XKR6: variants seen among roughly 807,000 people sequenced by gnomAD.
XKR6 encodes the protein XK related 6.
Under a neutral mutation model 56.7 loss-of-function variants are expected in XKR6, and 22 were observed. The ratio of observed to expected loss-of-function variants is 0.39; its 90% CI spans 0.28 to 0.55. The LOEUF (loss-of-function observed/expected upper bound fraction) is 0.55, where lower values mean the gene tolerates loss of function less well. XKR6 is among the 20% of genes least tolerant of loss of function. The probability of loss-of-function intolerance (pLI) is 0.66; values close to 1 mark genes in which losing one functional copy is unlikely to be tolerated. For missense variants in XKR6, 852 were observed against 889.0 expected, an observed-to-expected ratio of 0.96 and a Z score of 0.53; for synonymous variants, 524 against 387.8, an observed-to-expected ratio of 1.35 and a Z score of -4.13.
chr8:11,050,787 T>C (rs111890325), intron 1 of XKR6, among the ~76,000 whole-genome samples: 2,737 of 152,126 alleles, frequency 0.018, 39 homozygotes, highest in African/African-American at 0.039. Context: ...CACAGACGGA[T>C]GACCATGTCC....
intron 1 of XKR6, among the ~76,000 whole-genome samples, chr8:10,978,593 G>T (rs763646920): frequency 1.2e-4 from 19 of 152,122 alleles, no homozygotes; most frequent in Non-Finnish European, 2.1e-4. Flanking sequence ...CAAGACACTC[G>T]GCCCAAGGTA....
intron 1 of XKR6, among the ~76,000 whole-genome samples, chr8:10,954,235 C>A (rs1366142174): frequency 6.6e-6 from 1 of 152,214 alleles, no homozygotes; most frequent in African/African-American, 2.4e-5. Context: ...TTGGAGGAAC[C>A]AGCAAGTTGT....
intron 1 of XKR6, among the ~76,000 whole-genome samples, chr8:11,023,353 G>A (rs953133616): frequency 6.6e-6 from 1 of 152,200 alleles, no homozygotes; most frequent in African/African-American, 2.4e-5. Flanking sequence ...GGAGTGCAGT[G>A]GCATGATCAC....
chr8:11,037,730 C>T (rs372318676), intron 1 of XKR6, among the ~76,000 whole-genome samples: 8 of 152,052 alleles, frequency 5.3e-5, no homozygotes, highest in African/African-American at 9.7e-5. Flanking sequence ...TGGTGGCGTG[C>T]GCCTGTAATC....
intron 1 of XKR6, among the ~76,000 whole-genome samples, chr8:11,122,252 C>T (rs1314714126): frequency 6.6e-6 from 1 of 152,214 alleles, no homozygotes; most frequent in African/African-American, 2.4e-5. Flanking sequence ...AGTCAGGCTG[C>T]CTGGTAAAAC....
intron 1 of XKR6, among the ~76,000 whole-genome samples, chr8:11,190,226 GAAAAGAA>G (rs377629284): frequency 0.098 from 8,282 of 84,600 alleles, 255 homozygotes; most frequent in South Asian, 0.15. Context: ...GAAAGAAAGA[GAAAAGAA>G]AAAAGAAAAA....
At chr8:11,114,124 T>C (rs768071833) in intron 1 of XKR6, 5 of 431,902 alleles carry the variant, frequency 1.2e-5, no homozygotes, top group Non-Finnish European at 1.4e-5. Flanking sequence ...AATGAACAAA[T>C]GAGCATGGAA....
intron 1 of XKR6, among the ~76,000 whole-genome samples, chr8:11,177,143 G>A (rs1418262025): frequency 6.6e-6 from 1 of 152,172 alleles, no homozygotes; most frequent in East Asian, 1.9e-4. Flanking sequence ...TGAAATGATG[G>A]AAAACGAGGG....
In XKR6 at chr8:11,057,480, G is replaced by A. The variant is rs767885419; in HGVS notation, c.765-132650C>T. Among the ~76,000 whole-genome samples, 28 of 152,026 alleles carry A rather than the reference G, an allele frequency of 1.8e-4. 1 individual carries two copies. Among genetic ancestry groups the A allele is most frequent in the Admixed American group, 6.5e-5 (1 of 15,274 alleles). The stretch of plus-strand genomic sequence containing the variant: ...ATTTGTCCAGTAGTCCCAGTGTTCT[G>A]CCCTTGTCAAGTGCATCGTCGTGGC... On this transcript the variant is annotated intron_variant, in intron 1 of 2. Transcript: ENST00000416569.
intron 1 of XKR6, chr8:11,128,824 A>G (rs1342508706): frequency 2.2e-6 from 1 of 456,744 alleles, no homozygotes; most frequent in East Asian, 6.9e-5. Flanking sequence ...TATATCCAGA[A>G]TCTGATCACC....
intron 1 of XKR6, among the ~76,000 whole-genome samples, chr8:11,173,017 G>A (rs1275822822): frequency 9.9e-5 from 15 of 151,992 alleles, no homozygotes; most frequent in Non-Finnish European, 5.9e-5. Flanking sequence ...CTGATTTGGG[G>A]GCCAAAAAGG....
At chr8:11,184,227 T>C (rs1160642933) in intron 1 of XKR6, among the ~76,000 whole-genome samples, 1 of 152,190 alleles carries the variant, frequency 6.6e-6, no homozygotes, top group Non-Finnish European at 1.5e-5. Context: ...AATTACTTAT[T>C]AGCCACACAG....
chr8:11,191,227 A>T (rs1316063260), intron 1 of XKR6, among the ~76,000 whole-genome samples: 1 of 152,226 alleles, frequency 6.6e-6, no homozygotes, highest in Non-Finnish European at 1.5e-5. Flanking sequence ...AAAGGTTAGA[A>T]TTACCAGGGA....
chr8:11,041,878 C>A (rs1296708932), intron 1 of XKR6, among the ~76,000 whole-genome samples: 2 of 152,224 alleles, frequency 1.3e-5, no homozygotes, highest in African/African-American at 4.8e-5. Flanking sequence ...CACATATACA[C>A]ACACACATAC....
intron 1 of XKR6, among the ~76,000 whole-genome samples, chr8:11,167,564 G>A (rs1265328006): frequency 1.3e-5 from 2 of 152,148 alleles, no homozygotes; most frequent in African/African-American, 2.4e-5. Flanking sequence ...AAGAAAAGAC[G>A]TGAAGAAAGT....
intron 1 of XKR6, among the ~76,000 whole-genome samples, chr8:11,023,190 C>G (rs965631432): frequency 1.3e-5 from 2 of 152,208 alleles, no homozygotes; most frequent in Non-Finnish European, 2.9e-5. Context: ...CCTCCATGTC[C>G]CCATTTCCTA....
At chr8:11,125,339 G>A (rs1799721482) in intron 1 of XKR6, among the ~76,000 whole-genome samples, 1 of 152,112 alleles carries the variant, frequency 6.6e-6, no homozygotes, top group Admixed American at 6.5e-5. Context: ...ACAATTCACA[G>A]GGCACATCGA....
At chr8:10,956,240 G>T (rs1175505304) in intron 1 of XKR6, among the ~76,000 whole-genome samples, 1 of 152,152 alleles carries the variant, frequency 6.6e-6, no homozygotes, top group African/African-American at 2.4e-5. Context: ...GTGAATTTGC[G>T]GAGCCTTCCT....
chr8:11,189,722 T>C (rs943086037), intron 1 of XKR6, among the ~76,000 whole-genome samples: 3 of 152,220 alleles, frequency 2.0e-5, no homozygotes, highest in Admixed American at 2.0e-4. Flanking sequence ...TGTGTACTGC[T>C]TAGGGAACTT....
Sources: allele counts gnomAD v4.1 joint callset (sites outside exome capture counted in the v4.1 genomes callset), GRCh38; gene constraint gnomAD v4.1.1; transcripts MANE v1.5; gene names NCBI Gene and HGNC (gene_info 2026-07-23, HGNC 2026-07-21).